GFPT1: variants seen among roughly 807,000 people sequenced by gnomAD.
GFPT1 encodes glutamine--fructose-6-phosphate transaminase 1, also known as glutamine--fructose-6-phosphate aminotransferase [isomerizing] 1.
GFPT1 carries 40 observed loss-of-function variants against 92.0 expected under a neutral mutation model. The ratio of observed to expected loss-of-function variants is 0.43; its 90% CI spans 0.34 to 0.57. The LOEUF is 0.57. Among genes scored for constraint, GFPT1 ranks in the 20% least tolerant of loss-of-function variants. The pLI is 0.02. For synonymous variants in GFPT1, 269 were observed against 280.6 expected (o/e 0.96, Z 0.41); for missense variants, 448 against 869.1 (o/e 0.52, Z 6.09).
intron 3 of GFPT1, 99 bp downstream of exon 3, chr2:69,369,902 G>C (rs981424944): frequency 1.2e-5 from 9 of 775,070 alleles, no homozygotes; most frequent in Non-Finnish European, 2.4e-6. Context: ...CATTAAAATT[G>C]GTCCCAAAAT....
chr2:69,367,346 TG>T (rs1179174872), intron 3 of GFPT1, among the ~76,000 whole-genome samples: 51 of 150,546 alleles, frequency 3.4e-4, no homozygotes, highest in Non-Finnish European at 6.4e-4. Flanking sequence ...ACTTATTTTT[TG>T]TTGTTGTTGT....
chr2:69,386,990 C>T, intron 1 of GFPT1, 75 bp downstream of exon 1: 1 of 1,175,340 alleles, frequency 8.5e-7, no homozygotes, highest in Non-Finnish European at 1.2e-6. Flanking sequence ...CCGCCCGTCG[C>T]CTTGGGCCTT....
chr2:69,329,494 T>C, intron 16 of GFPT1, 70 bp from the exon 17 acceptor site: 2 of 1,229,198 alleles, frequency 1.6e-6, no homozygotes, highest in Middle Eastern at 1.9e-4. Context: ...TGGCAGCAAA[T>C]AACAAAAGAC....
chr2:69,356,889 C>A (rs962021429), intron 6 of GFPT1, among the ~76,000 whole-genome samples: 2 of 152,026 alleles, frequency 1.3e-5, no homozygotes, highest in African/African-American at 4.8e-5. Context: ...AGGCACGCAC[C>A]CCCACGCTAA....
intron 1 of GFPT1, among the ~76,000 whole-genome samples, chr2:69,384,597 A>C (rs999469075): frequency 4.0e-5 from 6 of 150,196 alleles, no homozygotes; most frequent in African/African-American, 1.5e-4. Flanking sequence ...CTGTAATCCC[A>C]GCTACTCGGG....
intron 1 of GFPT1, among the ~76,000 whole-genome samples, chr2:69,379,187 A>AT (rs1671948054): frequency 6.6e-6 from 1 of 152,190 alleles, no homozygotes; most frequent in Non-Finnish European, 1.5e-5. Context: ...TTTCTCAGAG[A>AT]TAACTACTGT....
chr2:69,349,054 T>G (rs545218826), intron 10 of GFPT1, among the ~76,000 whole-genome samples: 3 of 152,178 alleles, frequency 2.0e-5, no homozygotes, highest in Non-Finnish European at 4.4e-5. Flanking sequence ...TAACTCTCAG[T>G]TCAAACATCA....
intron 14 of GFPT1, 49 bp downstream of exon 14, chr2:69,338,396 A>G (rs746327641): frequency 6.6e-7 from 1 of 1,514,488 alleles, no homozygotes; most frequent in Non-Finnish European, 9.1e-7. Flanking sequence ...TGCTAGAATT[A>G]TTAGAAAGAA....
At chr2:69,375,382 T>C (rs1050721037) in intron 1 of GFPT1, among the ~76,000 whole-genome samples, 2 of 152,208 alleles carry the variant, frequency 1.3e-5, no homozygotes, top group Non-Finnish European at 2.9e-5. Flanking sequence ...TTTACTTCTA[T>C]AGAGTGTGAT....
At chr2:69,348,455 G>C in intron 10 of GFPT1, 121 bp from the exon 11 acceptor site, 2 of 844,720 alleles carry the variant, frequency 2.4e-6, no homozygotes, top group Non-Finnish European at 4.0e-6. Flanking sequence ...CAGTATCTCA[G>C]AGAATTTTCT....
At chr2:69,339,491 A>G (rs1178509367) in intron 13 of GFPT1, among the ~76,000 whole-genome samples, 1 of 152,206 alleles carries the variant, frequency 6.6e-6, no homozygotes, top group Non-Finnish European at 1.5e-5. Context: ...TACACTAAAC[A>G]TCGGAAAATC....
intron 4 of GFPT1, among the ~76,000 whole-genome samples, chr2:69,362,915 A>G (rs542400022): frequency 1.3e-5 from 2 of 152,128 alleles, no homozygotes; most frequent in African/African-American, 2.4e-5. Context: ...TTGATTATAC[A>G]TTTCTAGAGA....
At chr2:69,338,171 A>G in intron 14 of GFPT1, 116 bp from the exon 15 acceptor site, 1 of 950,062 alleles carries the variant, frequency 1.1e-6, no homozygotes. Context: ...TAAATAAAAT[A>G]CAAAACATCC....
intron 3 of GFPT1, among the ~76,000 whole-genome samples, chr2:69,364,192 C>T (rs1490329814): frequency 1.3e-5 from 2 of 150,826 alleles, no homozygotes; most frequent in African/African-American, 4.9e-5. Flanking sequence ...AGTTTACACA[C>T]CTACTATATA....
intron 13 of GFPT1, 45 bp from the exon 14 acceptor site, chr2:69,338,610 C>T: frequency 6.2e-7 from 1 of 1,606,864 alleles, no homozygotes; most frequent in Non-Finnish European, 8.5e-7. Context: ...CCTTCAAATA[C>T]TCTTTCATCG....
At chr2:69,380,158 T>C (rs1671974397) in intron 1 of GFPT1, among the ~76,000 whole-genome samples, 1 of 151,772 alleles carries the variant, frequency 6.6e-6, no homozygotes, top group African/African-American at 2.4e-5. Flanking sequence ...GCCAACATGG[T>C]GAAACCCCGT....
chr2:69,356,383 T>A (rs1671338306), intron 7 of GFPT1, 113 bp downstream of exon 7: 1 of 802,674 alleles, frequency 1.2e-6, no homozygotes. Flanking sequence ...CACATGAATA[T>A]ATCTAATAAA....
chr2:69,357,190 C>G (rs1671358548), intron 6 of GFPT1, among the ~76,000 whole-genome samples: 1 of 152,316 alleles, frequency 6.6e-6, no homozygotes, highest in South Asian at 2.1e-4. Context: ...CGTCATAATA[C>G]TATGAATTAT....
chr2:69,346,659 A>T (rs992947963), intron 11 of GFPT1, among the ~76,000 whole-genome samples: 1 of 152,128 alleles, frequency 6.6e-6, no homozygotes, highest in African/African-American at 2.4e-5. Context: ...CACAGTATGG[A>T]TTGTAGTATG....
Sources: gnomAD v4.1 joint callset for allele counts (sites outside exome capture counted in the v4.1 genomes callset) on GRCh38, gnomAD v4.1.1 for gene constraint, MANE v1.5 for transcripts, NCBI Gene and HGNC (gene_info 2026-07-23, HGNC 2026-07-21) for gene names.